The following TENM2 variants were observed in gnomAD, a reference collection of about 807,000 sequenced individuals.
TENM2 encodes the protein teneurin-2.
TENM2 carries 52 observed loss-of-function variants against 245.2 expected under a neutral mutation model. That is an observed-to-expected ratio of 0.21 (90% CI 0.17 to 0.27). TENM2 has a LOEUF of 0.27. Among genes scored for constraint, TENM2 ranks in the 10% least tolerant of loss-of-function variants. TENM2 has a pLI of 1.00. For missense variants in TENM2, 3,046 were observed against 3,666.8 expected (o/e 0.83, Z 4.37); for synonymous variants, 1,363 against 1,438.9 (o/e 0.95, Z 1.19).
the TENM2 span, among the ~76,000 whole-genome samples, chr5:167,005,408 G>C: frequency 6.6e-6 from 1 of 152,134 alleles, no homozygotes; most frequent in Non-Finnish European, 1.5e-5. Flanking sequence ...TTGACATTTA[G>C]TAATAATGAT....
At chr5:167,557,815 A>G (rs1361842559) in intron 2 of TENM2, among the ~76,000 whole-genome samples, 1 of 152,222 alleles carries the variant, frequency 6.6e-6, no homozygotes, top group Non-Finnish European at 1.5e-5. Context: ...GTCACCCACA[A>G]GAGAGAATTA....
intron 6 of TENM2, among the ~76,000 whole-genome samples, chr5:168,056,194 C>T (rs1789527694): frequency 6.6e-6 from 1 of 152,204 alleles, no homozygotes; most frequent in African/African-American, 2.4e-5. Context: ...TCCTCCTGGA[C>T]ATCGGCCCAG....
intron 2 of TENM2, among the ~76,000 whole-genome samples, chr5:167,497,555 A>G (rs1768897582): frequency 6.6e-6 from 1 of 152,032 alleles, no homozygotes; most frequent in Non-Finnish European, 1.5e-5. Context: ...AACAGGAGGC[A>G]TACACCCCAT....
chr5:167,517,863 CGA>C (rs967053320), intron 2 of TENM2, among the ~76,000 whole-genome samples: 3 of 151,800 alleles, frequency 2.0e-5, no homozygotes, highest in African/African-American at 7.3e-5. Context: ...TTGATGGAGT[CGA>C]GAGAGAGTCA....
chr5:168,233,252 G>A (rs1342327028), intron 25 of TENM2, among the ~76,000 whole-genome samples: 1 of 152,160 alleles, frequency 6.6e-6, no homozygotes, highest in Non-Finnish European at 1.5e-5. Flanking sequence ...CTTGAACCAG[G>A]GAGTCGGAGG....
intron 3 of TENM2, among the ~76,000 whole-genome samples, chr5:167,880,305 T>C (rs1321506638): frequency 6.6e-6 from 1 of 152,094 alleles, no homozygotes; most frequent in African/African-American, 2.4e-5. Context: ...AGTGGTAGGA[T>C]TATAAGTATG....
chr5:168,261,277 T>C (rs1485855913), intron 28 of TENM2, among the ~76,000 whole-genome samples: 3 of 152,194 alleles, frequency 2.0e-5, no homozygotes, highest in Non-Finnish European at 4.4e-5. Flanking sequence ...AAGGAGATAA[T>C]GGTGATTTCA....
the TENM2 span, among the ~76,000 whole-genome samples, chr5:167,034,616 C>T: frequency 8.9e-6 from 1 of 112,638 alleles, no homozygotes; most frequent in African/African-American, 3.5e-5. Flanking sequence ...GGCGACAGAG[C>T]GAGACTCCGT....
chr5:167,929,208 G>A (rs1055258706), intron 3 of TENM2, among the ~76,000 whole-genome samples: 3 of 145,520 alleles, frequency 2.1e-5, no homozygotes, highest in Non-Finnish European at 3.0e-5. Flanking sequence ...GAAGGAAAAG[G>A]GAAAGGAAGG....
the TENM2 span, among the ~76,000 whole-genome samples, chr5:167,028,720 C>CT: frequency 6.6e-6 from 1 of 151,888 alleles, no homozygotes; most frequent in Admixed American, 6.6e-5. Flanking sequence ...CATTTATGTA[C>CT]TTTCTCTTTA....
chr5:167,157,266 G>T, the TENM2 span, among the ~76,000 whole-genome samples: 1 of 152,162 alleles, frequency 6.6e-6, no homozygotes. Flanking sequence ...ATACCACACA[G>T]CTCCAAGACA....
intron 2 of TENM2, among the ~76,000 whole-genome samples, chr5:167,647,816 T>G (rs1049173239): frequency 6.6e-6 from 1 of 152,098 alleles, no homozygotes; most frequent in African/African-American, 2.4e-5. Context: ...TAGTTTGAGC[T>G]CAAGACACTG....
intron 3 of TENM2, among the ~76,000 whole-genome samples, chr5:167,878,739 C>T (rs550425967): frequency 5.3e-5 from 8 of 152,214 alleles, no homozygotes; most frequent in East Asian, 1.9e-4. Context: ...AAGTGCAGAG[C>T]TATGTCTGAG....
At chr5:167,906,189 A>T (rs1263799027) in intron 3 of TENM2, among the ~76,000 whole-genome samples, 3 of 152,230 alleles carry the variant, frequency 2.0e-5, no homozygotes, top group East Asian at 1.9e-4. Flanking sequence ...TTATTTTAAA[A>T]AAAATAAAAT....
chr5:167,608,632 A>G (rs922095872), intron 2 of TENM2, among the ~76,000 whole-genome samples: 1 of 152,206 alleles, frequency 6.6e-6, no homozygotes, highest in African/African-American at 2.4e-5. Flanking sequence ...CACCAAGCAC[A>G]TTTGTCACAG....
In TENM2 at chr5:168,163,371, A is replaced by G. The variant is rs149794777; in HGVS notation, c.2569+614A>G. Among the ~76,000 whole-genome samples the G allele has an allele frequency of 2.0e-3, 299 of 152,344 alleles. 1 individual carries two copies. The highest frequency in any genetic ancestry group is 7.0e-3 in the African/African-American group (290 of 41,578). On this transcript the variant is annotated intron_variant, in intron 13 of 28. Transcript: ENST00000518659. ...TTTTAACATTTTTAATGGTTGGTGG[A>G]AAAAATCATTAAAAAGAACAATATT...
At chr5:167,119,672 C>G in the TENM2 span, 1 of 152,176 alleles carries the variant, frequency 6.6e-6, no homozygotes, top group Non-Finnish European at 1.5e-5. Context: ...GACCCAAGCA[C>G]TTATTAAAGG....
chr5:167,101,850 TA>T, the TENM2 span, among the ~76,000 whole-genome samples: 2 of 51,524 alleles, frequency 3.9e-5, no homozygotes, highest in African/African-American at 1.0e-4. Flanking sequence ...TATATATATT[TA>T]TATATATATA....
At chr5:167,039,201 G>T in the TENM2 span, among the ~76,000 whole-genome samples, 1 of 152,074 alleles carries the variant, frequency 6.6e-6, no homozygotes, top group Admixed American at 6.6e-5. Flanking sequence ...CACTGGAGCT[G>T]GGTGTTCCTG....
Sources: allele counts gnomAD v4.1 joint callset (sites outside exome capture counted in the v4.1 genomes callset), GRCh38; gene constraint gnomAD v4.1.1; transcripts MANE v1.5; gene names NCBI Gene and HGNC (gene_info 2026-07-23, HGNC 2026-07-21).